NR2F1-AS1: variants seen among roughly 807,000 people sequenced by gnomAD.
NR2F1-AS1 encodes NR2F1 antisense RNA 1.
intron 4 of NR2F1-AS1, among the ~76,000 whole-genome samples, chr5:93,445,393 C>T (rs1390313329): frequency 6.6e-6 from 1 of 152,114 alleles, no homozygotes; most frequent in Non-Finnish European, 1.5e-5. Context: ...GAAATACAAA[C>T]TACCATCAGA....
intron 4 of NR2F1-AS1, among the ~76,000 whole-genome samples, chr5:93,544,292 T>C (rs932469526): frequency 6.6e-6 from 1 of 152,066 alleles, no homozygotes; most frequent in African/African-American, 2.4e-5. Flanking sequence ...AAAAGGCAAA[T>C]GGTGCATTAC....
intron 1 of NR2F1-AS1, among the ~76,000 whole-genome samples, chr5:93,578,866 T>G (rs1752955889): frequency 6.6e-6 from 1 of 152,160 alleles, no homozygotes; most frequent in African/African-American, 2.4e-5. Flanking sequence ...ACAACAGATA[T>G]CATTATTTCC....
At chr5:93,450,543 G>C (rs1749805566) in intron 4 of NR2F1-AS1, among the ~76,000 whole-genome samples, 2 of 152,104 alleles carry the variant, frequency 1.3e-5, no homozygotes, top group African/African-American at 4.8e-5. Context: ...TATAGGGCCA[G>C]ATATAGCTAC....
chr5:93,563,809 A>T (rs116142459), intron 1 of NR2F1-AS1, among the ~76,000 whole-genome samples: 4,457 of 152,150 alleles, frequency 0.029, 212 homozygotes, highest in African/African-American at 0.1. Flanking sequence ...GCTTATTAAA[A>T]CACAACTACC....
At chr5:93,480,156 T>C (rs1750571409) in intron 4 of NR2F1-AS1, among the ~76,000 whole-genome samples, 1 of 151,890 alleles carries the variant, frequency 6.6e-6, no homozygotes, top group African/African-American at 2.4e-5. Flanking sequence ...ATGCTACACA[T>C]CCAGGAATCT....
At chr5:93,501,497 G>T (rs1396051701) in intron 4 of NR2F1-AS1, among the ~76,000 whole-genome samples, 1 of 151,772 alleles carries the variant, frequency 6.6e-6, no homozygotes, top group Non-Finnish European at 1.5e-5. Context: ...AGGATTACAG[G>T]TGTCCACCAC....
intron 4 of NR2F1-AS1, among the ~76,000 whole-genome samples, chr5:93,549,665 C>T (rs552200116): frequency 5.9e-5 from 9 of 152,102 alleles, no homozygotes; most frequent in Non-Finnish European, 1.2e-4. Flanking sequence ...AAGGGAATGA[C>T]TGAATTTTGT....
chr5:93,442,726 A>G (rs1177928353), intron 4 of NR2F1-AS1, among the ~76,000 whole-genome samples: 3 of 152,218 alleles, frequency 2.0e-5, no homozygotes, highest in Non-Finnish European at 4.4e-5. Flanking sequence ...AGATCTGAGA[A>G]TGGACAGACT....
chr5:93,548,419 T>C (rs764268538), intron 4 of NR2F1-AS1, among the ~76,000 whole-genome samples: 1 of 152,154 alleles, frequency 6.6e-6, no homozygotes, highest in Admixed American at 6.5e-5. Flanking sequence ...AGAACAACAA[T>C]GCCTCTAGAT....
At chr5:93,425,929 T>C (rs1749185436) in intron 4 of NR2F1-AS1, among the ~76,000 whole-genome samples, 1 of 151,668 alleles carries the variant, frequency 6.6e-6, no homozygotes, top group Non-Finnish European at 1.5e-5. Flanking sequence ...TTAAATTAAA[T>C]TTAAAACAAA....
intron 4 of NR2F1-AS1, among the ~76,000 whole-genome samples, chr5:93,484,057 C>T (rs1280709794): frequency 6.6e-6 from 1 of 152,170 alleles, no homozygotes; most frequent in Non-Finnish European, 1.5e-5. Context: ...ACTTCCCCAA[C>T]CTAGCAAGAC....
intron 4 of NR2F1-AS1, chr5:93,410,132 T>G (rs1748822484): frequency 6.6e-6 from 1 of 151,822 alleles, no homozygotes; most frequent in Admixed American, 6.5e-5. Flanking sequence ...CAGAAATAAA[T>G]TTTTGGAAAA....
chr5:93,482,902 AT>A (rs1220398661), intron 4 of NR2F1-AS1, among the ~76,000 whole-genome samples: 1 of 152,098 alleles, frequency 6.6e-6, no homozygotes, highest in East Asian at 1.9e-4. Context: ...GCCTTTCTAG[AT>A]TTCCCCTCTC....
intron 4 of NR2F1-AS1, among the ~76,000 whole-genome samples, chr5:93,457,605 C>G (rs1267919187): frequency 2.6e-5 from 4 of 152,092 alleles, no homozygotes; most frequent in Non-Finnish European, 5.9e-5. Context: ...TTGACAAAAC[C>G]ACCATTGTCA....
chr5:93,517,277 G>A (rs952353357), intron 4 of NR2F1-AS1, among the ~76,000 whole-genome samples: 1 of 151,772 alleles, frequency 6.6e-6, no homozygotes, highest in African/African-American at 2.4e-5. Context: ...GTAGAGCCTT[G>A]GGAATACAAA....
At chr5:93,504,442 C>A (rs1025898355) in intron 4 of NR2F1-AS1, among the ~76,000 whole-genome samples, 6 of 152,020 alleles carry the variant, frequency 3.9e-5, no homozygotes, top group Non-Finnish European at 7.4e-5. Flanking sequence ...AACAGGTAAC[C>A]CCTATTTTAA....
intron 2 of NR2F1-AS1, among the ~76,000 whole-genome samples, chr5:93,562,242 C>G (rs1225628442): frequency 6.8e-6 from 1 of 148,124 alleles, no homozygotes; most frequent in Non-Finnish European, 1.5e-5. Flanking sequence ...ATAAAGTTAG[C>G]AAATGCCATA....
intron 4 of NR2F1-AS1, among the ~76,000 whole-genome samples, chr5:93,546,172 T>C (rs546255028): frequency 2.4e-4 from 37 of 152,244 alleles, no homozygotes; most frequent in Middle Eastern, 3.4e-3. Flanking sequence ...ATCTAGCATA[T>C]AAGAAGTCTT....
intron 2 of NR2F1-AS1, among the ~76,000 whole-genome samples, chr5:93,561,358 T>G (rs1386305313): frequency 2.0e-5 from 3 of 152,278 alleles, no homozygotes; most frequent in African/African-American, 7.2e-5. Context: ...TCTTAGCATC[T>G]TTTTAAAAAT....
Sources: gnomAD v4.1 joint callset for allele counts (sites outside exome capture counted in the v4.1 genomes callset) on GRCh38, gnomAD v4.1.1 for gene constraint, MANE v1.5 for transcripts, NCBI Gene and HGNC (gene_info 2026-07-23, HGNC 2026-07-21) for gene names.